The following LINGO2 variants were observed in gnomAD, a reference collection of about 807,000 sequenced individuals.
LINGO2 encodes leucine rich repeat and Ig domain containing 2, also known as leucine-rich repeat and immunoglobulin-like domain-containing nogo receptor-interacting protein 2.
A neutral mutation model predicts 30.6 loss-of-function variants in LINGO2; 14 were observed. The observed-to-expected ratio is 0.46, with a 90% CI of 0.30 to 0.72. LINGO2 has a LOEUF of 0.72. LINGO2 is among the 30% of genes least tolerant of loss of function. The probability of loss-of-function intolerance (pLI) is 0.07; values close to 1 mark genes in which losing one functional copy is unlikely to be tolerated. For missense variants in LINGO2, 729 were observed against 751.7 expected (o/e 0.97, Z 0.35); for synonymous variants, 317 against 288.5 (o/e 1.10, Z -1.00).
intron 4 of LINGO2, among the ~76,000 whole-genome samples, chr9:28,194,807 G>A (rs971970225): frequency 6.6e-6 from 1 of 151,724 alleles, no homozygotes; most frequent in African/African-American, 2.4e-5. Flanking sequence ...TTATTTCAGG[G>A]AAAAAAGCAA....
At chr9:28,818,543 A>T in the LINGO2 span, among the ~76,000 whole-genome samples, 532 of 152,016 alleles carry the variant, frequency 3.5e-3, 5 homozygotes, top group African/African-American at 0.012. Context: ...CCGCAACCAC[A>T]TTCAGCTAAT....
At chr9:28,828,397 C>T in the LINGO2 span, among the ~76,000 whole-genome samples, 1 of 151,986 alleles carries the variant, frequency 6.6e-6, no homozygotes, top group Non-Finnish European at 1.5e-5. Context: ...TGATATAATA[C>T]ACCAAAAACT....
chr9:28,195,262 A>G (rs999371092), intron 4 of LINGO2, among the ~76,000 whole-genome samples: 2 of 151,754 alleles, frequency 1.3e-5, no homozygotes, highest in African/African-American at 4.8e-5. Flanking sequence ...TATTAATTAG[A>G]CCTACCTGAA....
intron 4 of LINGO2, among the ~76,000 whole-genome samples, chr9:28,107,608 C>A (rs572520016): frequency 6.6e-6 from 1 of 152,068 alleles, no homozygotes; most frequent in African/African-American, 2.4e-5. Flanking sequence ...ACATTTACCT[C>A]TATTAGTTAT....
the LINGO2 span, among the ~76,000 whole-genome samples, chr9:28,980,425 T>C: frequency 6.6e-6 from 1 of 152,074 alleles, no homozygotes; most frequent in African/African-American, 2.4e-5. Flanking sequence ...AGAAACAAAG[T>C]CTGTATGATG....
At chr9:28,689,145 C>T in the LINGO2 span, among the ~76,000 whole-genome samples, 1 of 152,122 alleles carries the variant, frequency 6.6e-6, no homozygotes. Context: ...GTAAGTGGCC[C>T]TATTAGGGAA....
chr9:28,018,477 ACT>A (rs1379637632), intron 4 of LINGO2, among the ~76,000 whole-genome samples: 1 of 151,954 alleles, frequency 6.6e-6, no homozygotes, highest in Non-Finnish European at 1.5e-5. Flanking sequence ...TAATATCTAG[ACT>A]CTAAGAAACT....
chr9:27,989,723 T>C (rs139473036), intron 5 of LINGO2, among the ~76,000 whole-genome samples: 160 of 152,150 alleles, frequency 1.1e-3, no homozygotes, highest in African/African-American at 3.5e-3. Flanking sequence ...CTTTAACGCA[T>C]TGACCCATTT....
At chr9:28,768,873 T>G in the LINGO2 span, among the ~76,000 whole-genome samples, 1 of 152,234 alleles carries the variant, frequency 6.6e-6, no homozygotes, top group East Asian at 1.9e-4. Flanking sequence ...ACTTGCTTTA[T>G]CCAATGCTAT....
intron 4 of LINGO2, among the ~76,000 whole-genome samples, chr9:28,076,702 G>A (rs1309247294): frequency 6.6e-6 from 1 of 151,776 alleles, no homozygotes; most frequent in Non-Finnish European, 1.5e-5. Context: ...TTTCCCTCTG[G>A]TTCTTAAAAC....
rs75424628 is a variant in LINGO2, at chr9:28,297,830, C to T, written c.-245-2464G>A. Among the ~76,000 whole-genome samples, 497 of 152,300 alleles carry T rather than the reference C, an allele frequency of 3.3e-3. 2 individuals are homozygous for T. The highest frequency in any genetic ancestry group is 3.5e-3 in the Non-Finnish European group (240 of 68,028). ...TCTACGGCATCAAACACAAGAGTCA[C>T]TGCCTTCCAACTGTTGTGTAAGGAA... On this transcript the variant is annotated intron_variant, in intron 3 of 5. Coordinates refer to ENST00000379992, the Ensembl canonical transcript of LINGO2.
intron 4 of LINGO2, among the ~76,000 whole-genome samples, chr9:28,044,558 C>T (rs1475358024): frequency 6.6e-6 from 1 of 152,078 alleles, no homozygotes; most frequent in Non-Finnish European, 1.5e-5. Context: ...AAGAGATAGG[C>T]CTTATAACAA....
intron 2 of LINGO2, among the ~76,000 whole-genome samples, chr9:28,426,148 C>G (rs1286286014): frequency 1.3e-5 from 2 of 152,004 alleles, no homozygotes; most frequent in East Asian, 1.9e-4. Flanking sequence ...AGATGACACA[C>G]ACATGCACAC....
intron 2 of LINGO2, among the ~76,000 whole-genome samples, chr9:28,420,065 G>T (rs1389705392): frequency 2.0e-5 from 3 of 152,046 alleles, no homozygotes; most frequent in African/African-American, 7.2e-5. Flanking sequence ...AACTGAGGAA[G>T]AATAGAATTC....
intron 1 of LINGO2, among the ~76,000 whole-genome samples, chr9:28,557,348 A>G (rs1822771915): frequency 6.6e-6 from 1 of 152,130 alleles, no homozygotes; most frequent in Non-Finnish European, 1.5e-5. Flanking sequence ...ACATGAACAG[A>G]CACTTCTTAA....
chr9:28,389,842 C>T (rs1488666506), intron 2 of LINGO2, among the ~76,000 whole-genome samples: 1 of 152,148 alleles, frequency 6.6e-6, no homozygotes, highest in Non-Finnish European at 1.5e-5. Flanking sequence ...ATGGAGGACA[C>T]AATAAATTTC....
At chr9:28,608,664 C>A (rs1446181651) in intron 1 of LINGO2, among the ~76,000 whole-genome samples, 1 of 151,842 alleles carries the variant, frequency 6.6e-6, no homozygotes, top group African/African-American at 2.4e-5. Context: ...TAGGGTAGGT[C>A]TTTTCCAAAA....
At chr9:28,259,175 C>G (rs569993339) in intron 4 of LINGO2, among the ~76,000 whole-genome samples, 1 of 151,894 alleles carries the variant, frequency 6.6e-6, no homozygotes. Context: ...AGAGTCCTGA[C>G]TCAGTCTATC....
In LINGO2 at chr9:28,274,820, T is replaced by A. The variant is rs563382719; in HGVS notation, c.-87+20388A>T. ...AGATATCCCAGTTACTACTGGTACC[T>A]TTTCTCAGGGTGGGTCATCACAAAA... On this transcript the variant is annotated intron_variant, in intron 4 of 5. Coordinates refer to ENST00000379992, the Ensembl canonical transcript of LINGO2. Among the ~76,000 whole-genome samples the A allele has an allele frequency of 3.9e-5, 6 of 152,292 alleles. No individual in the cohort carries two copies. In the East Asian group the frequency reaches 1.2e-3, roughly 29 times the overall value.
Sources: gnomAD v4.1 joint callset for allele counts (sites outside exome capture counted in the v4.1 genomes callset) on GRCh38, gnomAD v4.1.1 for gene constraint, MANE v1.5 for transcripts, NCBI Gene and HGNC (gene_info 2026-07-23, HGNC 2026-07-21) for gene names.